The following RNF38 variants were observed in gnomAD, a reference collection of about 807,000 sequenced individuals.
RNF38 encodes ring finger protein 38.
RNF38 carries 15 observed loss-of-function variants against 67.2 expected under a neutral mutation model. That is an observed-to-expected ratio of 0.22 (90% CI 0.15 to 0.34). RNF38 has a LOEUF of 0.34. Ranked by LOEUF, RNF38 falls within the 10% of genes least tolerant of loss-of-function variation. The pLI, the probability that RNF38 is intolerant of heterozygous loss-of-function variation, is 1.00. For synonymous variants in RNF38, 220 were observed against 218.8 expected (o/e 1.01, Z -0.05); for missense variants, 524 against 639.9 (o/e 0.82, Z 1.95).
intron 1 of RNF38, among the ~76,000 whole-genome samples, chr9:36,440,585 T>C (rs370890265): frequency 6.1e-4 from 92 of 151,916 alleles, no homozygotes; most frequent in African/African-American, 2.1e-3. Flanking sequence ...ATGGAAAAGT[T>C]ACCAAAATAT....
chr9:36,419,313 T>C (rs1442638220), intron 2 of RNF38, among the ~76,000 whole-genome samples: 1 of 152,242 alleles, frequency 6.6e-6, no homozygotes, highest in East Asian at 1.9e-4. Flanking sequence ...GGATTACTTA[T>C]ACCACAAGCT....
At chr9:36,467,128 G>A (rs1210302349) in intron 1 of RNF38, among the ~76,000 whole-genome samples, 3 of 120,722 alleles carry the variant, frequency 2.5e-5, no homozygotes, top group East Asian at 4.9e-4. Context: ...GCAGTGAGCC[G>A]AGATCACACA....
intron 3 of RNF38, chr9:36,372,702 T>C (rs1161976900): frequency 4.1e-6 from 2 of 491,000 alleles, no homozygotes; most frequent in Non-Finnish European, 7.3e-6. Context: ...TACTCTTTTG[T>C]CTTGCTATGA....
Position 36,441,099 on chromosome 9 carries a change from T to G in RNF38, n.242-16416A>C, listed in dbSNP as rs544507618. ...CGGGTCCTGGGAGGAAAGAGGGTGT[T>G]AGAAGAAAAGATGAGAAAGAAAAAG... On this transcript the variant is annotated intron_variant and non_coding_transcript_variant, in intron 1 of 3. Transcript: ENST00000488058. Among the ~76,000 whole-genome samples the G allele has an allele frequency of 1.1e-3, 164 of 152,164 alleles. 1 individual carries two copies. The highest frequency in any genetic ancestry group is 3.8e-3 in the African/African-American group (156 of 41,522).
At chr9:36,487,319 G>A in exon 1 of RNF38, 1 of 985,308 alleles carries the variant, frequency 1.0e-6, no homozygotes, top group South Asian at 4.6e-5. Context: ...TGCTCCCGGC[G>A]CTCGGCCGCA....
chr9:36,396,668 C>T (rs2134093032), intron 1 of RNF38, among the ~76,000 whole-genome samples: 1 of 152,132 alleles, frequency 6.6e-6, no homozygotes, highest in South Asian at 2.1e-4. Context: ...AAAAGGCAGG[C>T]CTGGATGGGC....
intron 1 of RNF38, among the ~76,000 whole-genome samples, chr9:36,439,182 G>T (rs1192042214): frequency 1.3e-5 from 2 of 152,168 alleles, no homozygotes; most frequent in Admixed American, 1.3e-4. Context: ...CACAAGAAGT[G>T]ATTTTTAAAA....
chr9:36,372,363 T>G (rs147375627), intron 3 of RNF38: 1 of 565,224 alleles, frequency 1.8e-6, no homozygotes, highest in East Asian at 2.8e-5. Context: ...GCTTGTTCTA[T>G]TGTTTCTTGA....
chr9:36,336,581 A>G lies in RNF38; in HGVS notation c.*3171T>C, dbSNP rs899738230. ...TCAAATGATTTGGTTACAGATATTT[A>G]TAATACATACATTTAAAACTATATG... is the stretch of plus-strand genomic sequence containing the variant. On this transcript the variant is annotated 3_prime_UTR_variant, in exon 12 of 12. Coordinates refer to ENST00000259605, the MANE Select transcript of RNF38 (RefSeq NM_022781.5). 1.3e-5 allele frequency: 2 copies of G among 152,666 alleles called. No homozygotes were observed. The highest frequency in any genetic ancestry group is 6.5e-5 in the Admixed American group (1 of 15,284). The allele number at this position is 152,666 out of a possible 1,614,324, so 9.5% of individuals were successfully genotyped here.
chr9:36,348,979 A>AAC (rs1450841289), intron 9 of RNF38, among the ~76,000 whole-genome samples: 1 of 152,220 alleles, frequency 6.6e-6, no homozygotes, highest in Non-Finnish European at 1.5e-5. Context: ...TTGGGGGGAT[A>AAC]ACACAGCTGG....
At chr9:36,415,327 G>A (rs1838434340) in intron 2 of RNF38, among the ~76,000 whole-genome samples, 1 of 152,020 alleles carries the variant, frequency 6.6e-6, no homozygotes. Context: ...AAATTTTCCA[G>A]TGTATTTTGT....
chr9:36,471,765 T>C (rs569517283), intron 1 of RNF38, among the ~76,000 whole-genome samples: 4 of 152,356 alleles, frequency 2.6e-5, no homozygotes, highest in South Asian at 2.1e-4. Context: ...ATAAATTTAC[T>C]TTACTTCTTT....
chr9:36,401,311 C>G (rs1295775633), upstream of RNF38: 12 of 746,238 alleles, frequency 1.6e-5, no homozygotes, highest in Admixed American at 6.3e-5. Context: ...CCAGCCCGCC[C>G]CCCGCTGCCC....
chr9:36,400,445 C>G, upstream of RNF38: 1 of 1,070,696 alleles, frequency 9.3e-7, no homozygotes, highest in Non-Finnish European at 1.1e-6. Context: ...GAGCGCCGGG[C>G]GGCCGAGGCA....
intron 1 of RNF38, among the ~76,000 whole-genome samples, chr9:36,449,847 A>G (rs1158611543): frequency 1.3e-5 from 2 of 152,202 alleles, no homozygotes; most frequent in Non-Finnish European, 1.5e-5. Context: ...CTTCTCACTC[A>G]GGAGTTCCAA....
At chr9:36,386,153 A>G (rs1836615826) in intron 2 of RNF38, among the ~76,000 whole-genome samples, 1 of 152,192 alleles carries the variant, frequency 6.6e-6, no homozygotes, top group African/African-American at 2.4e-5. Context: ...CACGGTCTGA[A>G]ACCAGAATTA....
intron 1 of RNF38, among the ~76,000 whole-genome samples, chr9:36,474,096 G>A (rs185883738): frequency 2.7e-5 from 4 of 150,694 alleles, no homozygotes; most frequent in Middle Eastern, 3.5e-3. Flanking sequence ...GGCGGATCAC[G>A]AGGTCAGGAG....
chr9:36,365,252 A>G (rs1834855176), intron 4 of RNF38, among the ~76,000 whole-genome samples: 1 of 152,046 alleles, frequency 6.6e-6, no homozygotes, highest in Admixed American at 6.6e-5. Flanking sequence ...GGATCTTTCG[A>G]GTCAAATCTC....
intron 1 of RNF38, among the ~76,000 whole-genome samples, chr9:36,435,264 A>T (rs1839036792): frequency 1.3e-5 from 2 of 152,216 alleles, no homozygotes; most frequent in African/African-American, 4.8e-5. Context: ...TTACCTATTT[A>T]AAAAATAAAC....
Sources: gnomAD v4.1 joint callset for allele counts (sites outside exome capture counted in the v4.1 genomes callset) on GRCh38, gnomAD v4.1.1 for gene constraint, MANE v1.5 for transcripts, NCBI Gene and HGNC (gene_info 2026-07-23, HGNC 2026-07-21) for gene names.